TTLL11: variants seen among roughly 807,000 people sequenced by gnomAD.
TTLL11 encodes the protein tubulin tyrosine ligase like 11, also known as tubulin polyglutamylase TTLL11.
In TTLL11, 42 loss-of-function variants were observed where a neutral mutation model predicts 51.7. The ratio of observed to expected loss-of-function variants is 0.81; its 90% CI spans 0.64 to 1.05. TTLL11 has a LOEUF of 1.05. Among genes scored for constraint, TTLL11 ranks in the 50% least tolerant of loss-of-function variants. The probability of loss-of-function intolerance (pLI) is 0.00; values close to 1 mark genes in which losing one functional copy is unlikely to be tolerated. For missense variants in TTLL11, 799 were observed against 940.4 expected, an observed-to-expected ratio of 0.85 and a Z score of 1.97; for synonymous variants, 381 against 383.5, an observed-to-expected ratio of 0.99 and a Z score of 0.08.
intron 6 of TTLL11, among the ~76,000 whole-genome samples, chr9:121,971,754 A>AAAAAAAAAAAAAG: frequency 6.7e-6 from 1 of 150,136 alleles, no homozygotes; most frequent in South Asian, 2.1e-4. Context: ...GGGAAAAAAA[A>AAAAAAAAAAAAAG]AAAAAAAGAA....
chr9:121,944,573 T>C (rs1225898587), intron 6 of TTLL11, among the ~76,000 whole-genome samples: 1 of 152,212 alleles, frequency 6.6e-6, no homozygotes, highest in Non-Finnish European at 1.5e-5. Flanking sequence ...TTTTGTTTAA[T>C]ACATAATATA....
At chr9:122,075,460 G>T (rs1327307727) in intron 1 of TTLL11, among the ~76,000 whole-genome samples, 2 of 152,120 alleles carry the variant, frequency 1.3e-5, no homozygotes, top group African/African-American at 4.8e-5. Context: ...TACATTCTTA[G>T]AATAACAGTT....
chr9:122,039,498 GGTAA>G, intron 1 of TTLL11, 130 bp from the exon 2 acceptor site: 1 of 629,296 alleles, frequency 1.6e-6, no homozygotes, highest in Non-Finnish European at 2.8e-6. Flanking sequence ...ACGCATATGA[GGTAA>G]GTGATATTCT....
intron 6 of TTLL11, among the ~76,000 whole-genome samples, chr9:121,939,534 G>A (rs772624871): frequency 1.3e-5 from 2 of 151,976 alleles, no homozygotes; most frequent in Non-Finnish European, 2.9e-5. Context: ...GGGGGTAGGG[G>A]GAGAAGGATG....
intron 8 of TTLL11, among the ~76,000 whole-genome samples, chr9:121,850,147 A>C (rs866344800): frequency 1.8e-4 from 21 of 113,878 alleles, no homozygotes; most frequent in South Asian, 6.3e-4. Context: ...TGGAAGACTC[A>C]CTGCATATAT....
chr9:121,861,388 T>C (rs1304588618), intron 7 of TTLL11, among the ~76,000 whole-genome samples: 3 of 152,058 alleles, frequency 2.0e-5, no homozygotes, highest in African/African-American at 7.2e-5. Flanking sequence ...GGAGAGCAAG[T>C]CTTGAGTTGT....
At chr9:121,867,241 A>G (rs1244581892) in intron 7 of TTLL11, among the ~76,000 whole-genome samples, 1 of 152,204 alleles carries the variant, frequency 6.6e-6, no homozygotes. Context: ...CAAATTGCCA[A>G]CATTTGTAGA....
At chr9:122,042,959 A>G (rs942691413) in intron 1 of TTLL11, among the ~76,000 whole-genome samples, 9 of 152,230 alleles carry the variant, frequency 5.9e-5, no homozygotes, top group African/African-American at 2.2e-4. Context: ...GAATAGGTGA[A>G]GTACAGAGGA....
At chr9:122,037,260 C>T (rs1357191901) in intron 2 of TTLL11, among the ~76,000 whole-genome samples, 1 of 152,176 alleles carries the variant, frequency 6.6e-6, no homozygotes. Context: ...CTTTAAGTGG[C>T]ATCACAAAGC....
At chr9:121,951,095 G>A (rs902236926) in intron 6 of TTLL11, among the ~76,000 whole-genome samples, 2 of 152,138 alleles carry the variant, frequency 1.3e-5, no homozygotes, top group African/African-American at 4.8e-5. Flanking sequence ...ATCAGCTCGT[G>A]AACACTCTGG....
At chr9:122,015,707 C>G (rs967562127) in intron 3 of TTLL11, among the ~76,000 whole-genome samples, 8 of 151,734 alleles carry the variant, frequency 5.3e-5, no homozygotes, top group African/African-American at 1.7e-4. Context: ...GTTTCTCATG[C>G]TCCGAGCCTG....
chr9:121,997,372 C>T (rs1843306972), intron 3 of TTLL11, among the ~76,000 whole-genome samples: 1 of 152,140 alleles, frequency 6.6e-6, no homozygotes, highest in Non-Finnish European at 1.5e-5. Flanking sequence ...CACTCCTTCC[C>T]CACAGTGCAG....
Position 122,092,948 on chromosome 9 carries a change from C to T in TTLL11, c.201G>A (p.Pro67=). 1 of 1,577,992 alleles carries T rather than the reference C, an allele frequency of 6.3e-7. No homozygotes were observed. The highest frequency in any genetic ancestry group is 8.5e-7 in the Non-Finnish European group (1 of 1,170,372). The change falls in exon 1 of 9, where the codon CCG becomes CCA. Residue 67 remains proline (P), a synonymous_variant. Coordinates refer to ENST00000321582, the MANE Select transcript of TTLL11 (RefSeq NM_001139442.2). ...CCTCCTCAGCCGCACTGGGCTGCGCCGGGGCCGGGGCCAGGACCTTGGGCT... is the reference window on the plus strand; with the variant it reads ...CCTCCTCAGCCGCACTGGGCTGCGCTGGGGCCGGGGCCAGGACCTTGGGCT... The part of the protein sequence containing the change: ...EEQPKVLAPA[P]AQPSAAEEGN...
chr9:121,883,794 C>A (rs1251671543), intron 6 of TTLL11, among the ~76,000 whole-genome samples: 4 of 152,162 alleles, frequency 2.6e-5, no homozygotes, highest in African/African-American at 9.7e-5. Context: ...TCCCTGATGG[C>A]TCTGGAGACT....
intron 8 of TTLL11, among the ~76,000 whole-genome samples, chr9:121,835,412 C>T (rs1837156105): frequency 6.6e-6 from 1 of 152,160 alleles, no homozygotes; most frequent in Non-Finnish European, 1.5e-5. Context: ...AGTTCTCCCC[C>T]AACCCAGATG....
chr9:121,985,349 T>C (rs1421898087), intron 4 of TTLL11, among the ~76,000 whole-genome samples: 18 of 152,088 alleles, frequency 1.2e-4, no homozygotes, highest in Admixed American at 1.1e-3. Flanking sequence ...AAGTGACTTA[T>C]ACAAGAATAC....
chr9:121,954,422 T>G (rs1159445087), intron 6 of TTLL11, among the ~76,000 whole-genome samples: 3 of 152,214 alleles, frequency 2.0e-5, no homozygotes, highest in Non-Finnish European at 4.4e-5. Context: ...TGAGGATAAA[T>G]GCGAAACCTT....
rs895092396 is a variant in TTLL11 at position 121,821,312 on chromosome 9, C to T, written c.*1275G>A. ...CAGAACCCTCCCTTGCCACGCACTACGAGCATTTTCTGAGTCCTACAGTGC... is the reference window on the plus strand; with the variant it reads ...CAGAACCCTCCCTTGCCACGCACTATGAGCATTTTCTGAGTCCTACAGTGC... On this transcript the variant is annotated 3_prime_UTR_variant, in exon 9 of 9. Transcript: ENST00000321582. The surrounding 1 kb of genome is among the most constrained non-coding windows in gnomAD (Gnocchi z 5.0). Among the ~76,000 whole-genome samples the T allele has an allele frequency of 2.6e-5, 4 of 152,132 alleles. No individual in the cohort carries two copies. Among genetic ancestry groups the T allele is most frequent in the Admixed American group, 6.5e-5 (1 of 15,280 alleles).
At chr9:121,843,989 T>A (rs775247055) in intron 8 of TTLL11, among the ~76,000 whole-genome samples, 1 of 152,176 alleles carries the variant, frequency 6.6e-6, no homozygotes, top group Non-Finnish European at 1.5e-5. Flanking sequence ...ACTACTTTAG[T>A]AGAGGCTGAT....
Sources: allele counts gnomAD v4.1 joint callset (sites outside exome capture counted in the v4.1 genomes callset), GRCh38; gene constraint gnomAD v4.1.1; non-coding constraint Gnocchi (gnomAD v3.1); transcripts MANE v1.5; gene names NCBI Gene and HGNC (gene_info 2026-07-23, HGNC 2026-07-21).